OLFM3: variants seen among roughly 807,000 people sequenced by gnomAD.
OLFM3 encodes the protein olfactomedin 3.
OLFM3 carries 20 observed loss-of-function variants against 48.6 expected under a neutral mutation model. That is an observed-to-expected ratio of 0.41 (90% CI 0.29 to 0.60). The LOEUF (loss-of-function observed/expected upper bound fraction) is 0.60, where lower values mean the gene tolerates loss of function less well. Among genes scored for constraint, OLFM3 ranks in the 20% least tolerant of loss-of-function variants. The pLI is 0.28. For synonymous variants in OLFM3, 222 were observed against 198.1 expected, an observed-to-expected ratio of 1.12 and a Z score of -1.01; for missense variants, 437 against 544.3, an observed-to-expected ratio of 0.80 and a Z score of 1.96.
chr1:101,815,130 C>G (rs1475787770), intron 4 of OLFM3, among the ~76,000 whole-genome samples: 1 of 152,098 alleles, frequency 6.6e-6, no homozygotes, highest in Non-Finnish European at 1.5e-5. Flanking sequence ...AGAAAGATCT[C>G]TCTAGCTACT....
At chr1:101,859,643 C>A (rs1284336431) in intron 1 of OLFM3, among the ~76,000 whole-genome samples, 1 of 152,128 alleles carries the variant, frequency 6.6e-6, no homozygotes, top group Non-Finnish European at 1.5e-5. Context: ...CTCCAGTGAT[C>A]ATTTCCTTTG....
chr1:101,876,951 G>A (rs187017564), intron 1 of OLFM3, among the ~76,000 whole-genome samples: 1 of 151,728 alleles, frequency 6.6e-6, no homozygotes, highest in Non-Finnish European at 1.5e-5. Flanking sequence ...GTCTGACTTG[G>A]GTTATAATTT....
chr1:101,964,913 T>C (rs1660567304), intron 1 of OLFM3, among the ~76,000 whole-genome samples: 1 of 152,212 alleles, frequency 6.6e-6, no homozygotes, highest in Admixed American at 6.5e-5. Context: ...CCTCTCTCAT[T>C]TATTTGAGGG....
At position 101,990,989 on chromosome 1, in the gene OLFM3, T is replaced by TAAAAAAAAAAAAAAAAAAA. The variant is rs58481588; in HGVS notation, c.69+5740_69+5758dup. On this transcript the variant is annotated intron_variant, in intron 1 of 5. Transcript: ENST00000370103. The stretch of plus-strand genomic sequence containing the variant: ...GACAGAGCGAGACTCTGTCAAAAAG[T>TAAAAAAAAAAAAAAAAAAA]AAAAAAAAAAAAAAAAAAAAAAAAA... 6.7e-4 allele frequency among the ~76,000 whole-genome samples: 6 copies of TAAAAAAAAAAAAAAAAAAA among 8,902 alleles called. 1 individual carries two copies. Among genetic ancestry groups the TAAAAAAAAAAAAAAAAAAA allele is most frequent in the Non-Finnish European group, 1.0e-3 (4 of 3,976 alleles). The allele number at this position is 8,902 out of a possible 152,430, so 5.8% of individuals were successfully genotyped here. A position where few individuals can be genotyped will look rare whatever the true frequency, so the allele number is the denominator to read the frequency against.
At chr1:101,906,675 T>G in intron 1 of OLFM3, among the ~76,000 whole-genome samples, 1 of 152,184 alleles carries the variant, frequency 6.6e-6, no homozygotes, top group East Asian at 1.9e-4. Context: ...TCTTTTATCC[T>G]AAGCAACGGC....
At chr1:101,946,215 T>A (rs542464989) in intron 1 of OLFM3, among the ~76,000 whole-genome samples, 26 of 152,158 alleles carry the variant, frequency 1.7e-4, no homozygotes, top group Admixed American at 6.5e-5. Context: ...GAATCCAATT[T>A]GATTCAATAT....
chr1:101,876,934 C>T (rs149691565), intron 1 of OLFM3, among the ~76,000 whole-genome samples: 3 of 151,880 alleles, frequency 2.0e-5, no homozygotes, highest in Non-Finnish European at 2.9e-5. Flanking sequence ...CTGTCACCCT[C>T]TTAGGTGTCT....
intron 1 of OLFM3, among the ~76,000 whole-genome samples, chr1:101,921,200 T>TACACACAC (rs142071103): frequency 0.053 from 7,903 of 148,094 alleles, 286 homozygotes; most frequent in African/African-American, 0.095. Context: ...TTTAAGTTTA[T>TACACACAC]ACACACACAC....
intron 1 of OLFM3, among the ~76,000 whole-genome samples, chr1:101,965,680 A>T (rs1660589085): frequency 6.6e-6 from 1 of 152,246 alleles, no homozygotes; most frequent in Non-Finnish European, 1.5e-5. Flanking sequence ...ATTAGTTCAA[A>T]TAACACAACA....
chr1:101,870,026 G>T (rs1246480049), intron 1 of OLFM3, among the ~76,000 whole-genome samples: 3 of 152,100 alleles, frequency 2.0e-5, no homozygotes, highest in South Asian at 2.1e-4. Flanking sequence ...CAGCTAAAAT[G>T]CTTAGTGTAA....
intron 1 of OLFM3, among the ~76,000 whole-genome samples, chr1:101,890,679 T>C (rs1365840973): frequency 1.3e-5 from 2 of 151,830 alleles, no homozygotes; most frequent in African/African-American, 4.8e-5. Context: ...ATTCACCAAG[T>C]TCATTATGCA....
chr1:101,897,644 G>T (rs1658250925), intron 1 of OLFM3, among the ~76,000 whole-genome samples: 2 of 151,970 alleles, frequency 1.3e-5, no homozygotes, highest in African/African-American at 4.8e-5. Context: ...TATGAAACAT[G>T]GCACTAAATG....
intron 1 of OLFM3, among the ~76,000 whole-genome samples, chr1:101,970,460 A>G (rs1441539455): frequency 6.6e-6 from 1 of 152,204 alleles, no homozygotes; most frequent in Non-Finnish European, 1.5e-5. Flanking sequence ...CTAATGAATT[A>G]ATTCTTTTCT....
intron 1 of OLFM3, among the ~76,000 whole-genome samples, chr1:101,856,754 A>C (rs1467825957): frequency 6.6e-6 from 1 of 151,982 alleles, no homozygotes; most frequent in African/African-American, 2.4e-5. Flanking sequence ...TTGGGGCAGG[A>C]ACTGTACTAT....
At chr1:101,831,897 TTTG>T (rs963495047) in intron 2 of OLFM3, among the ~76,000 whole-genome samples, 2 of 152,160 alleles carry the variant, frequency 1.3e-5, no homozygotes, top group African/African-American at 4.8e-5. Flanking sequence ...TTTTGTTGCT[TTTG>T]TTGTTGTTGC....
At chr1:101,954,692 A>T (rs566163157) in intron 1 of OLFM3, among the ~76,000 whole-genome samples, 38 of 152,218 alleles carry the variant, frequency 2.5e-4, no homozygotes, top group African/African-American at 8.7e-4. Flanking sequence ...CTAATGTTTT[A>T]TCAATAAATT....
In OLFM3 at chr1:101,803,971, A is replaced by G. The variant is rs1422705875; in HGVS notation, c.*267T>C. ...CAGATCATTAATCTCTTGCAAAACT[A>G]TGACTTTAGCCACTTAAACTCTTTT... On this transcript the variant is annotated 3_prime_UTR_variant, in exon 6 of 6. Transcript: ENST00000370103. 7.9e-6 allele frequency: 2 copies of G among 252,064 alleles called. No homozygotes were observed. The highest frequency in any genetic ancestry group is 1.6e-4 in the East Asian group (2 of 12,562). 15.6% of individuals were successfully genotyped at this position (252,064 alleles called of 1,614,324 possible).
chr1:101,839,270 T>C (rs1655591812), intron 1 of OLFM3, among the ~76,000 whole-genome samples: 1 of 152,232 alleles, frequency 6.6e-6, no homozygotes, highest in South Asian at 2.1e-4. Flanking sequence ...CCAGTTAGGA[T>C]GGAAAGATGT....
chr1:101,958,403 G>C (rs892871851), intron 1 of OLFM3, among the ~76,000 whole-genome samples: 2 of 151,948 alleles, frequency 1.3e-5, no homozygotes, highest in Non-Finnish European at 2.9e-5. Flanking sequence ...GTTCTACTAG[G>C]AGAAAATAGG....
Sources: allele counts gnomAD v4.1 joint callset (sites outside exome capture counted in the v4.1 genomes callset), GRCh38; gene constraint gnomAD v4.1.1; transcripts MANE v1.5; gene names NCBI Gene and HGNC (gene_info 2026-07-23, HGNC 2026-07-21).